Variants in PIK3C2B observed in about 807,000 individuals in gnomAD.
PIK3C2B encodes the protein phosphatidylinositol-4-phosphate 3-kinase catalytic subunit type 2 beta.
Under a neutral mutation model 184.3 loss-of-function variants are expected in PIK3C2B, and 83 were observed. The ratio of observed to expected loss-of-function variants is 0.45; its 90% confidence interval spans 0.38 to 0.54. The LOEUF (loss-of-function observed/expected upper bound fraction) is 0.54. Among genes scored for constraint, PIK3C2B ranks in the 20% least tolerant of loss-of-function variants. The probability of loss-of-function intolerance (pLI) is 0.00; values close to 1 mark genes in which losing one functional copy is unlikely to be tolerated. For synonymous variants in PIK3C2B, 779 were observed against 837.6 expected (o/e 0.93, Z 1.21); for missense variants, 1,736 against 2,113.5 (o/e 0.82, Z 3.50).
At chr1:204,460,150 G>A (rs1051128721) in intron 7 of PIK3C2B, among the ~76,000 whole-genome samples, 174 bp downstream of exon 7, 1 of 152,210 alleles carries the variant, frequency 6.6e-6, no homozygotes, top group African/African-American at 2.4e-5. Context: ...AAGTTCCAGA[G>A]GGAAGAAATG....
rs116704235 is a variant in PIK3C2B at position 204,469,292 on chromosome 1, G to A, written c.511C>T (p.Leu171=). ...PRASIWDTPP[L]PPRKGSPSSS... ...GAGGGGGACCCCTTTCTGGGAGGCA[G>A]GGGAGGGGTATCCCAGATAGAAGCT... The change falls in exon 2 of 33, where the codon CTG becomes TTG. Residue 171 remains leucine (L), a synonymous_variant. Coordinates refer to ENST00000684373, the MANE Select transcript of PIK3C2B (RefSeq NM_001377334.1). 1 of 1,542,912 alleles carries A rather than the reference G, an allele frequency of 6.5e-7. No homozygotes were observed. Among genetic ancestry groups the A allele is most frequent in the Non-Finnish European group, 8.7e-7 (1 of 1,145,512 alleles).
rs555824360 is a variant in PIK3C2B at position 204,433,209 on chromosome 1, C to G, written c.3953+107G>C. 3 of 646,522 alleles carry G rather than the reference C, an allele frequency of 4.6e-6. No homozygotes were observed. The highest frequency in any genetic ancestry group is 5.6e-6 in the Non-Finnish European group (2 of 359,966). The allele number at this position is 646,522 out of a possible 1,614,324, so 40.0% of individuals were successfully genotyped here. On this transcript the variant is annotated intron_variant, in intron 26 of 32. Transcript: ENST00000684373. This position sits in a 1 kb window ranked among gnomAD's most constrained non-coding sequence, Gnocchi z 5.0. ...CCACGTGGTCAGCTCTAGGCTCTAG[C>G]ATCTGAGCTAAGCTTTTCACCTTTC...
At chr1:204,437,926 T>G (rs1353219244) in intron 23 of PIK3C2B, among the ~76,000 whole-genome samples, 1 of 152,082 alleles carries the variant, frequency 6.6e-6, no homozygotes, top group Non-Finnish European at 1.5e-5. Flanking sequence ...GAGGAATGGC[T>G]TCGGAGGTCA....
intron 12 of PIK3C2B, among the ~76,000 whole-genome samples, chr1:204,450,914 G>C (rs533001455): frequency 3.3e-5 from 5 of 152,296 alleles, no homozygotes; most frequent in Admixed American, 2.6e-4. Flanking sequence ...GGCCAGCCCA[G>C]GGCCCAGCAA....
chr1:204,439,001 C>A lies in PIK3C2B; in HGVS notation c.3450G>T (p.Ser1150=). 1 of 1,614,114 alleles carries A rather than the reference C, an allele frequency of 6.2e-7. No homozygotes were observed. Among genetic ancestry groups the A allele is most frequent in the South Asian group, 1.1e-5 (1 of 91,084 alleles). Residue 1150 remains serine (S), a synonymous_variant, in exon 23 of 33, where the codon TCG becomes TCT. Coordinates refer to ENST00000684373, the MANE Select transcript of PIK3C2B (RefSeq NM_001377334.1). ...KIQVEHGVTG[S]FKDRPLADWL... is the part of the protein sequence containing the mutation. ...AGTCTGCCAGGGGCCGGTCCTTGAA[C>A]GAGCCGGTCACCCCATGCTCCACCT... is the stretch of plus-strand genomic sequence containing the variant.
intron 21 of PIK3C2B, among the ~76,000 whole-genome samples, chr1:204,440,765 TTATATA>T (rs34842826): frequency 2.1e-5 from 3 of 140,050 alleles, no homozygotes; most frequent in African/African-American, 2.6e-5. Context: ...CCCAGCTAAT[TTATATA>T]TATATATATA....
At chr1:204,450,541 T>C (rs1412927047) in intron 12 of PIK3C2B, among the ~76,000 whole-genome samples, 4 of 151,894 alleles carry the variant, frequency 2.6e-5, no homozygotes, top group South Asian at 2.1e-4. Flanking sequence ...CTTGTCCTCA[T>C]AGGAGTCCCC....
At chr1:204,463,794 T>C (rs1572362073) in intron 5 of PIK3C2B, among the ~76,000 whole-genome samples, 2 of 147,202 alleles carry the variant, frequency 1.4e-5, no homozygotes, top group African/African-American at 5.0e-5. Flanking sequence ...CTCCAAGCTC[T>C]TTCCACAGCA....
rs139276930 is a variant in PIK3C2B at position 204,466,156 on chromosome 1, G to T, written c.934-837C>A. On this transcript the variant is annotated intron_variant, in intron 2 of 32. Transcript: ENST00000684373. ...CCCAGCCCTAGGGAGAAGGAAGTGA[G>T]GGGGAGGGAGAGCTGGTGCATGACA... 7.0e-4 allele frequency among the ~76,000 whole-genome samples: 106 copies of T among 152,352 alleles called. 1 individual carries two copies. The East Asian group carries it at 0.02, about 29-fold the overall frequency.
intron 10 of PIK3C2B, 108 bp downstream of exon 10, chr1:204,456,929 C>A: frequency 1.2e-6 from 1 of 816,900 alleles, no homozygotes. Context: ...CACACACCAG[C>A]CGAACTCCGA....
At chr1:204,456,104 C>T in intron 10 of PIK3C2B, 53 bp from the exon 11 acceptor site, 3 of 1,477,334 alleles carry the variant, frequency 2.0e-6, no homozygotes, top group Non-Finnish European at 2.8e-6. Context: ...ACAAGCCCTA[C>T]CTTGTTGCCA....
At chr1:204,430,463 A>C (rs1444381077) in intron 28 of PIK3C2B, among the ~76,000 whole-genome samples, 1 of 151,700 alleles carries the variant, frequency 6.6e-6, no homozygotes, top group Non-Finnish European at 1.5e-5. Flanking sequence ...CTCCTGCCTC[A>C]GCCTCCCCAG....
chr1:204,434,820 G>A (rs898825701), intron 23 of PIK3C2B, among the ~76,000 whole-genome samples: 3 of 152,190 alleles, frequency 2.0e-5, no homozygotes, highest in South Asian at 2.1e-4. Context: ...TGGAAAAGAT[G>A]GAGATTTATA....
chr1:204,425,513 C>T, intron 32 of PIK3C2B, 100 bp downstream of exon 32: 1 of 1,314,812 alleles, frequency 7.6e-7, no homozygotes, highest in Non-Finnish European at 1.1e-6. Context: ...CAGCCATGTT[C>T]TTAATACAAC....
intron 1 of PIK3C2B, among the ~76,000 whole-genome samples, chr1:204,491,760 G>C (rs970042764): frequency 5.3e-5 from 8 of 152,218 alleles, no homozygotes; most frequent in Admixed American, 4.6e-4. Flanking sequence ...TATGAACACA[G>C]GGTAAGGAGT....
At chr1:204,462,741 C>T (rs1655436183) in intron 5 of PIK3C2B, among the ~76,000 whole-genome samples, 1 of 152,154 alleles carries the variant, frequency 6.6e-6, no homozygotes, top group Non-Finnish European at 1.5e-5. Flanking sequence ...AAGGACCCCA[C>T]AATATCCTTA....
At position 204,469,101 on chromosome 1, in the gene PIK3C2B, T is replaced by C. The variant is rs1257302171; in HGVS notation, c.702A>G (p.Ala234=). The change falls in exon 2 of 33, where the codon GCA becomes GCG. Residue 234 remains alanine (A), a synonymous_variant. Coordinates refer to ENST00000684373, the MANE Select transcript of PIK3C2B (RefSeq NM_001377334.1). ...TCGATTTCAAGTTGAGCCTAGTAATTGCATCATTGATACCATCATAGTCCA... is the reference window on the plus strand; with the variant it reads ...TCGATTTCAAGTTGAGCCTAGTAATCGCATCATTGATACCATCATAGTCCA... The part of the protein sequence containing the change: ...GSVDYDGIND[A]ITRLNLKSTY... 1 of 1,614,146 alleles carries C rather than the reference T, an allele frequency of 6.2e-7. No homozygotes were observed.
rs748836336 is a variant in PIK3C2B at position 204,455,968 on chromosome 1, C to T, written c.1831G>A (p.Ala611Thr). 4.1e-5 allele frequency: 66 copies of T among 1,614,056 alleles called. No homozygotes were observed. Among genetic ancestry groups the T allele is most frequent in the Admixed American group, 1.7e-5 (1 of 60,004 alleles). The change falls in exon 11 of 33, where the codon GCA becomes ACA. Residue 611 changes from alanine to threonine, a missense_variant. Ala to Thr is a moderately conservative substitution (Grantham distance 58, BLOSUM62 0). This residue lies in a region of PIK3C2B where 609 missense variants were observed against 699.2 expected (regional missense o/e 0.87). Transcript: ENST00000684373. ...CNTFNADFQT[A>T]VPGSRKHDLV... The stretch of plus-strand genomic sequence containing the variant: ...TCATGCTTGCGGCTCCCGGGCACTG[C>T]CGTCTGGAAGTCTGCGTTGAATGTG...
intron 15 of PIK3C2B, 109 bp from the exon 16 acceptor site, chr1:204,446,253 CT>C: frequency 1.6e-6 from 1 of 632,902 alleles, no homozygotes; most frequent in African/African-American, 1.8e-5. Context: ...GCTGCACACA[CT>C]GCAATTCAGC....
Sources: allele counts gnomAD v4.1 joint callset (sites outside exome capture counted in the v4.1 genomes callset), GRCh38; gene constraint gnomAD v4.1.1; regional missense constraint gnomAD v4.1.1; non-coding constraint Gnocchi (gnomAD v3.1); transcripts MANE v1.5; gene names NCBI Gene and HGNC (gene_info 2026-07-23, HGNC 2026-07-21).